NELL1: variants seen among roughly 807,000 people sequenced by gnomAD.
NELL1 encodes protein kinase C-binding protein NELL1.
Under a neutral mutation model 107.4 loss-of-function variants are expected in NELL1, and 76 were observed. The ratio of observed to expected loss-of-function variants is 0.71; its 90% CI spans 0.59 to 0.86. The LOEUF (loss-of-function observed/expected upper bound fraction) is 0.86, where lower values mean the gene tolerates loss of function less well. NELL1 is among the 40% of genes least tolerant of loss of function. The pLI is 0.00. For missense variants in NELL1, 1,024 were observed against 1,005.5 expected (o/e 1.02, Z -0.25); for synonymous variants, 353 against 341.2 (o/e 1.03, Z -0.38).
chr11:20,735,613 G>A (rs11025734), intron 2 of NELL1, among the ~76,000 whole-genome samples: 18,192 of 152,170 alleles, frequency 0.12, 1,177 homozygotes, highest in Non-Finnish European at 0.15. Flanking sequence ...TGGGGACAGA[G>A]CCAAACCATA....
intron 15 of NELL1, among the ~76,000 whole-genome samples, chr11:21,511,859 G>A (rs542560936): frequency 1.9e-4 from 29 of 152,140 alleles, no homozygotes; most frequent in Non-Finnish European, 3.4e-4. Flanking sequence ...ATTGTTCAAA[G>A]CTCCTACTAA....
intron 4 of NELL1, among the ~76,000 whole-genome samples, chr11:20,863,114 G>C (rs1427969001): frequency 6.6e-6 from 1 of 152,166 alleles, no homozygotes; most frequent in African/African-American, 2.4e-5. Flanking sequence ...GAGCTGTTGG[G>C]TACACCTCCT....
chr11:20,671,861 T>C (rs1335643329), intron 1 of NELL1, among the ~76,000 whole-genome samples: 1 of 152,036 alleles, frequency 6.6e-6, no homozygotes, highest in Non-Finnish European at 1.5e-5. Context: ...GGAGGAGTGG[T>C]GGTCAGGGAT....
chr11:21,508,359 G>A (rs536412114), intron 15 of NELL1, among the ~76,000 whole-genome samples: 1 of 151,242 alleles, frequency 6.6e-6, no homozygotes, highest in Non-Finnish European at 1.5e-5. Context: ...AATTTTTCAG[G>A]TAGTTAAAAA....
At chr11:21,543,531 T>G (rs2133981022) in intron 16 of NELL1, among the ~76,000 whole-genome samples, 1 of 152,016 alleles carries the variant, frequency 6.6e-6, no homozygotes, top group East Asian at 2.0e-4. Context: ...GTTAAGAACA[T>G]TTTGCAACAT....
At chr11:20,829,741 A>G (rs1456333009) in intron 3 of NELL1, among the ~76,000 whole-genome samples, 3 of 152,098 alleles carry the variant, frequency 2.0e-5, no homozygotes, top group Non-Finnish European at 2.9e-5. Flanking sequence ...ATTTTGTAGA[A>G]TGGCCCTTAG....
chr11:21,194,452 C>G (rs188511627), intron 13 of NELL1, among the ~76,000 whole-genome samples: 36 of 152,188 alleles, frequency 2.4e-4, no homozygotes, highest in African/African-American at 7.5e-4. Flanking sequence ...TCTGGACCCC[C>G]CCATAGAGAT....
intron 15 of NELL1, among the ~76,000 whole-genome samples, chr11:21,514,696 T>C (rs1855516123): frequency 7.0e-6 from 1 of 143,136 alleles, no homozygotes; most frequent in Non-Finnish European, 1.5e-5. Context: ...TGTGGGCTGT[T>C]TCTGGCCAGG....
At chr11:21,077,558 C>T (rs1393652185) in intron 12 of NELL1, among the ~76,000 whole-genome samples, 7 of 151,996 alleles carry the variant, frequency 4.6e-5, no homozygotes, top group South Asian at 4.1e-4. Flanking sequence ...GCCTGGCCAA[C>T]ATGGTGAAAC....
At chr11:21,123,088 T>A (rs916176107) in intron 13 of NELL1, among the ~76,000 whole-genome samples, 4 of 152,154 alleles carry the variant, frequency 2.6e-5, no homozygotes, top group Non-Finnish European at 5.9e-5. Flanking sequence ...AAAAGAGATT[T>A]CCCTTTTCAC....
At chr11:21,564,992 C>A (rs1471249683) in intron 17 of NELL1, among the ~76,000 whole-genome samples, 1 of 151,996 alleles carries the variant, frequency 6.6e-6, no homozygotes, top group Non-Finnish European at 1.5e-5. Flanking sequence ...ACTGGTTCTG[C>A]CTTCCTAAGA....
chr11:20,851,728 C>G (rs781058904), intron 4 of NELL1, among the ~76,000 whole-genome samples: 2 of 152,206 alleles, frequency 1.3e-5, no homozygotes, highest in Admixed American at 6.5e-5. Context: ...TACACTATCT[C>G]TGCCAGGCTG....
At chr11:21,336,638 T>G (rs924064641) in intron 14 of NELL1, among the ~76,000 whole-genome samples, 6 of 130,876 alleles carry the variant, frequency 4.6e-5, no homozygotes, top group Non-Finnish European at 9.6e-5. Context: ...CACTTACTGC[T>G]TCATATGTGT....
chr11:20,686,479 G>A lies in NELL1; in HGVS notation c.184+8419G>A, dbSNP rs550994769. Among the ~76,000 whole-genome samples, 11 of 152,226 alleles carry A rather than the reference G, an allele frequency of 7.2e-5. No individual in the cohort carries two copies. The East Asian group carries it at 1.2e-3, about 16-fold the overall frequency. Reference sequence around the variant, plus strand: ...GAGCAAAGAATGATTCGTGAATCAGGCAGCCCCCGGAACCAGAATAGGTTC... The same window carrying A: ...GAGCAAAGAATGATTCGTGAATCAGACAGCCCCCGGAACCAGAATAGGTTC... On this transcript the variant is annotated intron_variant, in intron 2 of 19. Coordinates refer to ENST00000357134, the MANE Select transcript of NELL1 (RefSeq NM_006157.5).
intron 14 of NELL1, among the ~76,000 whole-genome samples, chr11:21,261,057 C>A (rs1848519731): frequency 6.6e-6 from 1 of 151,752 alleles, no homozygotes; most frequent in Admixed American, 6.6e-5. Flanking sequence ...TAGTTAGCAA[C>A]TGTATTCAGT....
chr11:20,751,440 G>A (rs1204955081), intron 2 of NELL1, among the ~76,000 whole-genome samples: 1 of 151,958 alleles, frequency 6.6e-6, no homozygotes, highest in Non-Finnish European at 1.5e-5. Flanking sequence ...TTGTTTTGTA[G>A]TTTTTAGTGT....
intron 3 of NELL1, among the ~76,000 whole-genome samples, chr11:20,808,193 A>G (rs533346182): frequency 1.3e-5 from 2 of 152,308 alleles, no homozygotes; most frequent in East Asian, 3.9e-4. Flanking sequence ...TCCAAGGCTC[A>G]TCCAGGGTCC....
intron 15 of NELL1, among the ~76,000 whole-genome samples, chr11:21,480,516 C>G (rs939429329): frequency 1.3e-5 from 2 of 152,146 alleles, no homozygotes; most frequent in African/African-American, 2.4e-5. Context: ...GTGTCGGCCA[C>G]GGATATGCTA....
intron 4 of NELL1, among the ~76,000 whole-genome samples, chr11:20,872,906 T>C (rs1849231632): frequency 6.6e-6 from 1 of 152,184 alleles, no homozygotes; most frequent in South Asian, 2.1e-4. Flanking sequence ...GCTCACTGAA[T>C]GACAGATGGC....
Sources: gnomAD v4.1 joint callset for allele counts (sites outside exome capture counted in the v4.1 genomes callset) on GRCh38, gnomAD v4.1.1 for gene constraint, MANE v1.5 for transcripts, NCBI Gene and HGNC (gene_info 2026-07-23, HGNC 2026-07-21) for gene names.